Variants in CNTN5 observed in about 807,000 individuals in gnomAD.
The protein encoded by CNTN5 is contactin 5.
Under a neutral mutation model 129.1 loss-of-function variants are expected in CNTN5, and 77 were observed. The ratio of observed to expected loss-of-function variants is 0.60; its 90% confidence interval spans 0.50 to 0.72. The LOEUF is 0.72. CNTN5 is among the 30% of genes least tolerant of loss of function. The pLI is 0.00. For synonymous variants in CNTN5, 509 were observed against 465.6 expected, an observed-to-expected ratio of 1.09 and a Z score of -1.20; for missense variants, 1,478 against 1,328.8, an observed-to-expected ratio of 1.11 and a Z score of -1.75.
chr11:99,791,444 G>C (rs919205453), intron 3 of CNTN5, among the ~76,000 whole-genome samples: 10 of 152,106 alleles, frequency 6.6e-5, no homozygotes, highest in Admixed American at 2.0e-4. Flanking sequence ...TCAAAGAGCA[G>C]ATGGTTGCAG....
chr11:99,123,668 T>A (rs1221505869), intron 1 of CNTN5, among the ~76,000 whole-genome samples: 16 of 138,890 alleles, frequency 1.2e-4, no homozygotes, highest in South Asian at 2.3e-4. Flanking sequence ...TTTTTTTTTT[T>A]TATAGTTTTA....
At chr11:99,092,104 T>A (rs911097986) in intron 1 of CNTN5, among the ~76,000 whole-genome samples, 1 of 152,164 alleles carries the variant, frequency 6.6e-6, no homozygotes, top group African/African-American at 2.4e-5. Flanking sequence ...ATGTGTTTTT[T>A]GTTGTTTAGT....
intron 1 of CNTN5, among the ~76,000 whole-genome samples, chr11:99,050,845 C>T (rs751079628): frequency 4.0e-5 from 6 of 151,814 alleles, no homozygotes; most frequent in Non-Finnish European, 7.4e-5. Flanking sequence ...TTAATCACAG[C>T]ATGTTTTTAA....
At chr11:99,637,454 A>T (rs1210243819) in intron 3 of CNTN5, among the ~76,000 whole-genome samples, 1 of 152,212 alleles carries the variant, frequency 6.6e-6, no homozygotes, top group East Asian at 1.9e-4. Context: ...GTATACATAG[A>T]GGGTGAATTG....
At chr11:99,219,832 A>G (rs952154986) in intron 1 of CNTN5, among the ~76,000 whole-genome samples, 1 of 151,974 alleles carries the variant, frequency 6.6e-6, no homozygotes, top group African/African-American at 2.4e-5. Context: ...AGGAATCGAG[A>G]TGAGAGATGA....
At chr11:100,079,334 A>C (rs541108878) in intron 13 of CNTN5, among the ~76,000 whole-genome samples, 2 of 152,278 alleles carry the variant, frequency 1.3e-5, no homozygotes, top group East Asian at 3.9e-4. Flanking sequence ...AAGGAAAAGA[A>C]TACCTAAGAT....
chr11:99,679,197 A>AATATATATATAT (rs34768290), intron 3 of CNTN5, among the ~76,000 whole-genome samples: 30 of 146,090 alleles, frequency 2.1e-4, no homozygotes, highest in African/African-American at 6.7e-4. Context: ...ATATATAGGG[A>AATATATATATAT]ATATATATAT....
intron 2 of CNTN5, among the ~76,000 whole-genome samples, chr11:99,449,071 T>C (rs1319373958): frequency 1.3e-5 from 2 of 152,106 alleles, no homozygotes; most frequent in African/African-American, 4.8e-5. Flanking sequence ...TGTGAGCCAC[T>C]GCACCCAGTC....
At chr11:100,197,961 C>A (rs2138534898) in intron 15 of CNTN5, among the ~76,000 whole-genome samples, 1 of 151,916 alleles carries the variant, frequency 6.6e-6, no homozygotes, top group South Asian at 2.1e-4. Context: ...TGTAGGAAGG[C>A]AGAATGGGAA....
intron 4 of CNTN5, among the ~76,000 whole-genome samples, chr11:99,841,088 A>C (rs575323999): frequency 6.6e-6 from 1 of 152,260 alleles, no homozygotes; most frequent in East Asian, 1.9e-4. Flanking sequence ...TTAACTTGGC[A>C]TTTGAAATAC....
chr11:99,153,985 GT>G (rs1261216462), intron 1 of CNTN5, among the ~76,000 whole-genome samples: 1 of 152,086 alleles, frequency 6.6e-6, no homozygotes, highest in African/African-American at 2.4e-5. Context: ...TCTTGGCTTT[GT>G]TTTCTGGCCC....
Position 100,341,172 on chromosome 11 carries a change from A to G in CNTN5, c.2997A>G (p.Pro999=), listed in dbSNP as rs1952151297. The change falls in exon 23 of 25, where the codon CCA becomes CCG. Residue 999 remains proline (P), a synonymous_variant. Transcript: ENST00000524871. ...CTCTGGGCTGGGAACCCGTCATACCATTAGCCAACGAATCTGAAGTTGTGG... is the reference window on the plus strand; with the variant it reads ...CTCTGGGCTGGGAACCCGTCATACCGTTAGCCAACGAATCTGAAGTTGTGG... ...QVSLGWEPVI[P]LANESEVVGY... 2 of 1,613,822 alleles carry G rather than the reference A, an allele frequency of 1.2e-6. No individual in the cohort carries two copies. The highest frequency in any genetic ancestry group is 1.7e-6 in the Non-Finnish European group (2 of 1,179,746).
intron 13 of CNTN5, among the ~76,000 whole-genome samples, chr11:100,167,389 T>A (rs994247641): frequency 2.6e-5 from 4 of 151,858 alleles, no homozygotes; most frequent in African/African-American, 7.3e-5. Context: ...AAATTTGAGA[T>A]GTTTTCTTAA....
At chr11:100,296,963 T>C (rs780668278) in intron 18 of CNTN5, among the ~76,000 whole-genome samples, 12 of 151,592 alleles carry the variant, frequency 7.9e-5, no homozygotes, top group Non-Finnish European at 1.5e-4. Flanking sequence ...AAATGTTCCC[T>C]TTCAACTGCA....
intron 7 of CNTN5, among the ~76,000 whole-genome samples, chr11:99,926,365 C>T (rs1171583584): frequency 6.6e-6 from 1 of 152,076 alleles, no homozygotes; most frequent in East Asian, 1.9e-4. Flanking sequence ...AGTGAAAGGG[C>T]ATCAAGTATC....
chr11:99,221,307 T>C (rs974621070), intron 1 of CNTN5, among the ~76,000 whole-genome samples: 2 of 151,942 alleles, frequency 1.3e-5, no homozygotes, highest in Non-Finnish European at 2.9e-5. Context: ...GAGGAAATAA[T>C]TGGATTTTCT....
At chr11:99,950,137 A>G (rs1186975047) in intron 7 of CNTN5, among the ~76,000 whole-genome samples, 1 of 152,244 alleles carries the variant, frequency 6.6e-6, no homozygotes. Context: ...TTTTTCAAAC[A>G]TATGACAAGT....
intron 8 of CNTN5, among the ~76,000 whole-genome samples, chr11:99,999,834 A>G (rs1479501719): frequency 1.3e-5 from 2 of 152,146 alleles, no homozygotes; most frequent in African/African-American, 2.4e-5. Context: ...GCCATAAAAA[A>G]TGATGAGTTC....
chr11:99,783,629 A>G (rs552787066), intron 3 of CNTN5, among the ~76,000 whole-genome samples: 1 of 134,124 alleles, frequency 7.5e-6, no homozygotes, highest in Admixed American at 7.7e-5. Context: ...ACCATGGAAT[A>G]CTATGCAGCC....
Sources: allele counts gnomAD v4.1 joint callset (sites outside exome capture counted in the v4.1 genomes callset), GRCh38; gene constraint gnomAD v4.1.1; transcripts MANE v1.5; gene names NCBI Gene and HGNC (gene_info 2026-07-23, HGNC 2026-07-21).